CKAP5: variants seen among roughly 807,000 people sequenced by gnomAD.
CKAP5 encodes cytoskeleton-associated protein 5.
CKAP5 carries 27 observed loss-of-function variants against 232.8 expected under a neutral mutation model. That is an observed-to-expected ratio of 0.12 (90% confidence interval 0.09 to 0.16). The LOEUF is 0.16. Among genes scored for constraint, CKAP5 ranks in the 10% least tolerant of loss-of-function variants. CKAP5 has a pLI of 1.00. For synonymous variants in CKAP5, 785 were observed against 841.1 expected (o/e 0.93, Z 1.16); for missense variants, 1,838 against 2,424.7 (o/e 0.76, Z 5.08).
At chr11:46,825,856 C>T (rs909607034) in intron 1 of CKAP5, among the ~76,000 whole-genome samples, 1 of 151,922 alleles carries the variant, frequency 6.6e-6, no homozygotes, top group African/African-American at 2.4e-5. Flanking sequence ...TAAAGAAACA[C>T]AACAACTATG....
At chr11:46,842,750 G>C (rs573113475) in intron 1 of CKAP5, among the ~76,000 whole-genome samples, 2 of 147,696 alleles carry the variant, frequency 1.4e-5, no homozygotes, top group Non-Finnish European at 3.0e-5. Flanking sequence ...GGCGGATCAC[G>C]AGGTCAGGAG....
At chr11:46,766,685 A>G (rs1351189656) in intron 27 of CKAP5, among the ~76,000 whole-genome samples, 3 of 152,224 alleles carry the variant, frequency 2.0e-5, no homozygotes, top group Admixed American at 6.5e-5. Context: ...AGTGTTAAAT[A>G]ATTAACACTC....
rs369366613 is a variant in CKAP5 at position 46,821,421 on chromosome 11, C to CTTTTTTTT, written c.-37-161_-37-154dup. Among the ~76,000 whole-genome samples the CTTTTTTTT allele has an allele frequency of 1.4e-4, 15 of 105,186 alleles. 1 individual carries two copies. The highest frequency in any genetic ancestry group is 1.6e-4 in the Non-Finnish European group (9 of 56,858). The allele number at this position is 105,186 out of a possible 152,430, so 69.0% of individuals were successfully genotyped here. A position where few individuals can be genotyped will look rare whatever the true frequency, so the allele number is the denominator to read the frequency against. The stretch of plus-strand genomic sequence containing the variant: ...TCCCCACTTAATTCAATTAACAGGA[C>CTTTTTTTT]TTTTTTTTTTTTTTTTTTTTTGAGA... On this transcript the variant is annotated intron_variant, in intron 1 of 43. Transcript: ENST00000529230.
At position 46,759,292 on chromosome 11, in the gene CKAP5, C is replaced by G; in HGVS notation, c.4545G>C (p.Glu1515Asp). The change falls in exon 34 of 44, where the codon GAG becomes GAC. Residue 1515 changes from glutamate (E) to aspartate (D), a missense_variant. Glu to Asp is a conservative substitution (Grantham distance 45, BLOSUM62 2). Coordinates refer to ENST00000529230, the MANE Select transcript of CKAP5 (RefSeq NM_001008938.4). Reference sequence around the variant, plus strand: ...ACTTGGGTTCAGGAATAAGGACTGGCTCAAAAATGTCATCCAGTTTGTGCT... The same window carrying G: ...ACTTGGGTTCAGGAATAAGGACTGGGTCAAAAATGTCATCCAGTTTGTGCT... ...LVQHKLDDIF[E>D]PVLIPEPKIR... The G allele has an allele frequency of 6.2e-7, 1 of 1,613,648 alleles. No individual in the cohort carries two copies. Among genetic ancestry groups the G allele is most frequent in the Non-Finnish European group, 8.5e-7 (1 of 1,179,808 alleles).
At chr11:46,829,003 G>A (rs894037674) in intron 1 of CKAP5, among the ~76,000 whole-genome samples, 2 of 152,246 alleles carry the variant, frequency 1.3e-5, no homozygotes, top group South Asian at 2.1e-4. Context: ...GGTTAAGATG[G>A]TAAATTTTAT....
At chr11:46,807,262 C>T (rs1272409326) in intron 8 of CKAP5, among the ~76,000 whole-genome samples, 1 of 152,190 alleles carries the variant, frequency 6.6e-6, no homozygotes, top group Non-Finnish European at 1.5e-5. Context: ...AGCAATGATT[C>T]AATATTCACT....
intron 42 of CKAP5, among the ~76,000 whole-genome samples, chr11:46,747,420 G>A (rs949793161): frequency 3.3e-5 from 5 of 151,780 alleles, no homozygotes; most frequent in African/African-American, 9.7e-5. Flanking sequence ...TGGCCAATAC[G>A]GTGAAACCCC....
chr11:46,842,206 G>C (rs1311202845), intron 1 of CKAP5, among the ~76,000 whole-genome samples: 1 of 152,152 alleles, frequency 6.6e-6, no homozygotes, highest in Non-Finnish European at 1.5e-5. Flanking sequence ...GTGCTTCTAA[G>C]ACCTCTGGTA....
chr11:46,754,141 G>T (rs1284874197), intron 36 of CKAP5, among the ~76,000 whole-genome samples: 1 of 151,998 alleles, frequency 6.6e-6, no homozygotes, highest in African/African-American at 2.4e-5. Context: ...GGGATTACAG[G>T]CGCCCGCCAC....
At chr11:46,750,247 T>C (rs771048216) in intron 42 of CKAP5, 27 bp downstream of exon 42, 11 of 1,605,036 alleles carry the variant, frequency 6.9e-6, no homozygotes, top group Non-Finnish European at 8.5e-6. Context: ...TTGAGCTTAT[T>C]CCTGGAGCTA....
intron 24 of CKAP5, among the ~76,000 whole-genome samples, chr11:46,772,383 C>T (rs1485936164): frequency 6.6e-6 from 1 of 151,998 alleles, no homozygotes; most frequent in East Asian, 1.9e-4. Context: ...TCTTTGCCAG[C>T]CTCCCATCCT....
chr11:46,834,519 C>CAAAAAAAAA (rs35792132), intron 1 of CKAP5, among the ~76,000 whole-genome samples: 1 of 53,568 alleles, frequency 1.9e-5, no homozygotes, highest in Non-Finnish European at 3.7e-5. Flanking sequence ...AACTCCATCT[C>CAAAAAAAAA]AAAAAAAAAA....
intron 1 of CKAP5, among the ~76,000 whole-genome samples, chr11:46,844,833 A>C (rs1310025892): frequency 6.6e-6 from 1 of 151,834 alleles, no homozygotes; most frequent in Non-Finnish European, 1.5e-5. Context: ...GTAGAGAGAG[A>C]GAGAGAGAGA....
chr11:46,788,840 C>A, intron 15 of CKAP5, 67 bp from the exon 16 acceptor site: 1 of 1,131,458 alleles, frequency 8.8e-7, no homozygotes, highest in Non-Finnish European at 1.3e-6. Context: ...GAGTAAATAC[C>A]AAAGTCAAGT....
In CKAP5 at chr11:46,765,148, C is replaced by T; in HGVS notation, c.3520G>A (p.Asp1174Asn). 6.2e-7 allele frequency: 1 copy of T among 1,612,040 alleles called. No individual in the cohort carries two copies. Among genetic ancestry groups the T allele is most frequent in the East Asian group, 2.2e-5 (1 of 44,676 alleles). The change falls in exon 28 of 44, where the codon GAT becomes AAT. Residue 1174 changes from aspartate to asparagine, a missense_variant. This residue lies in a region of CKAP5 where 767 missense variants were observed against 954.6 expected (regional missense o/e 0.80). Transcript: ENST00000529230. The stretch of plus-strand genomic sequence containing the variant: ...TTCCTTACCTTCAATCCTTTTTCAT[C>T]TTTCATCCTTTGCTCTTTTCCATTT... ...VPNGKEQRMKDEKGLKVLKWN... is the reference protein window; with the variant it reads ...VPNGKEQRMKNEKGLKVLKWN...
In CKAP5 at chr11:46,790,125, T is replaced by C; in HGVS notation, c.1826A>G (p.Asp609Gly). 6.2e-7 allele frequency: 1 copy of C among 1,612,164 alleles called. No homozygotes were observed. ...CAGCCTTTCTTTCCAGTTACTGCTGTCAAGAAGCTGTATACAGGTAGGGGG... is the reference window on the plus strand; with the variant it reads ...CAGCCTTTCTTTCCAGTTACTGCTGCCAAGAAGCTGTATACAGGTAGGGGG... ...VLPPTCIQLL[D>G]SSNWKERLAC... is the part of the protein sequence containing the mutation. Residue 609 changes from aspartate to glycine, a missense_variant, in exon 15 of 44, where the codon GAC becomes GGC. Coordinates refer to ENST00000529230, the MANE Select transcript of CKAP5 (RefSeq NM_001008938.4).
intron 9 of CKAP5, among the ~76,000 whole-genome samples, chr11:46,798,535 G>C (rs1441909537): frequency 1.3e-5 from 2 of 149,850 alleles, no homozygotes; most frequent in African/African-American, 4.9e-5. Context: ...AGCTACGACT[G>C]CATCACTGTA....
chr11:46,810,758 A>G (rs554204144), intron 5 of CKAP5, among the ~76,000 whole-genome samples: 61 of 152,338 alleles, frequency 4.0e-4, no homozygotes, highest in African/African-American at 1.3e-3. Context: ...TAATTCAGAT[A>G]CATTTACATC....
Position 46,744,271 on chromosome 11 carries a change from G to C in CKAP5, c.5857-6C>G. On this transcript the variant is annotated splice_polypyrimidine_tract_variant and splice_region_variant and intron_variant, in intron 43 of 43. Transcript: ENST00000529230. ...AAAGGAGGTCGGTCATCTTGCTATTGAGAGAAGGAGAGAGATTGTCTAAGG... is the reference window on the plus strand; with the variant it reads ...AAAGGAGGTCGGTCATCTTGCTATTCAGAGAAGGAGAGAGATTGTCTAAGG... 1.2e-6 allele frequency: 2 copies of C among 1,614,008 alleles called. No homozygotes were observed. Among genetic ancestry groups the C allele is most frequent in the Non-Finnish European group, 1.7e-6 (2 of 1,179,964 alleles).
Sources: allele counts gnomAD v4.1 joint callset (sites outside exome capture counted in the v4.1 genomes callset), GRCh38; gene constraint gnomAD v4.1.1; regional missense constraint gnomAD v4.1.1; transcripts MANE v1.5; gene names NCBI Gene and HGNC (gene_info 2026-07-23, HGNC 2026-07-21).